Variants in DPY19L1 observed in about 807,000 individuals in gnomAD.
DPY19L1 encodes dpy-19 like C-mannosyltransferase 1.
In DPY19L1, 35 loss-of-function variants were observed where a neutral mutation model predicts 96.9. That is an observed-to-expected ratio of 0.36 (90% CI 0.28 to 0.48). DPY19L1 has a LOEUF of 0.48. DPY19L1 is among the 20% of genes least tolerant of loss of function. The pLI, the probability that DPY19L1 is intolerant of heterozygous loss-of-function variation, is 0.99. For missense variants in DPY19L1, 521 were observed against 777.9 expected (o/e 0.67, Z 3.93); for synonymous variants, 205 against 252.6 (o/e 0.81, Z 1.79).
At chr7:34,947,770 G>T in intron 14 of DPY19L1, 69 bp from the exon 15 acceptor site, 3 of 1,258,678 alleles carry the variant, frequency 2.4e-6, no homozygotes, top group Non-Finnish European at 3.4e-6. Flanking sequence ...TTCAAATAAT[G>T]AAATAGGTAA....
intron 7 of DPY19L1, among the ~76,000 whole-genome samples, chr7:34,977,854 T>C (rs377408756): frequency 2.0e-5 from 3 of 152,216 alleles, no homozygotes; most frequent in African/African-American, 7.2e-5. Context: ...TGTTTCTAAG[T>C]ATAAGAAATA....
intron 7 of DPY19L1, chr7:34,987,927 T>C (rs1172897280): frequency 6.6e-6 from 1 of 152,024 alleles, no homozygotes; most frequent in Non-Finnish European, 1.5e-5. Context: ...ACTTGACTAT[T>C]TCAGTAAAAC....
intron 1 of DPY19L1, among the ~76,000 whole-genome samples, chr7:35,029,421 G>A (rs960604860): frequency 6.6e-6 from 1 of 152,074 alleles, no homozygotes; most frequent in Admixed American, 6.6e-5. Context: ...AGTAAAAAGA[G>A]AACCACACAC....
At chr7:34,999,582 C>G (rs913362769) in intron 6 of DPY19L1, among the ~76,000 whole-genome samples, 1 of 152,118 alleles carries the variant, frequency 6.6e-6, no homozygotes. Context: ...CCAAGGGAAT[C>G]GCTAAACGGA....
rs184804833 is a variant in DPY19L1, at chr7:35,003,021, C to T, written c.764+7447G>A. Among the ~76,000 whole-genome samples, 143 of 152,272 alleles carry T rather than the reference C, an allele frequency of 9.4e-4. 1 individual carries two copies. Among genetic ancestry groups the T allele is most frequent in the Middle Eastern group, 6.8e-3 (2 of 294 alleles). ...TCCTGACCTTGTGATCCACCCACCT[C>T]GGCCTCCCAAAATGCTGGGATTACA... On this transcript the variant is annotated intron_variant, in intron 6 of 21. Coordinates refer to ENST00000638088, the MANE Select transcript of DPY19L1 (RefSeq NM_001366673.1).
At chr7:35,022,088 G>T (rs879475562) in intron 1 of DPY19L1, among the ~76,000 whole-genome samples, 1 of 140,222 alleles carries the variant, frequency 7.1e-6, no homozygotes, top group Non-Finnish European at 1.6e-5. Context: ...TAGCCTTCTT[G>T]CCTACAAAAA....
intron 6 of DPY19L1, among the ~76,000 whole-genome samples, chr7:34,991,501 TACC>T (rs1365534272): frequency 6.6e-6 from 1 of 152,166 alleles, no homozygotes; most frequent in Admixed American, 6.6e-5. Context: ...CTGAAAGGTG[TACC>T]ACATCTTCTT....
chr7:34,970,556 G>C (rs1367574916), intron 8 of DPY19L1, among the ~76,000 whole-genome samples: 1 of 152,138 alleles, frequency 6.6e-6, no homozygotes, highest in African/African-American at 2.4e-5. Context: ...CTAAGCCGCA[G>C]TGTAAAACTT....
At position 34,940,292 on chromosome 7, in the gene DPY19L1, AC is replaced by A. The variant is rs1415269042; in HGVS notation, c.1724del (p.Gly575ValfsTer8). 1 of 1,606,158 alleles carries A rather than the reference AC, an allele frequency of 6.2e-7. No individual in the cohort carries two copies. On this transcript the variant is annotated frameshift_variant, in exon 19 of 22. Transcript: ENST00000638088. LOFTEE classifies it high-confidence loss of function. The stretch of plus-strand genomic sequence containing the variant: ...CTGCTAATATAGCAAACACAATAGC[AC>A]CAGGATGTACTTTGCAAAAGAGCCA... ...FGWLFCKVHP[G>X]AIVFAILAAM... is the part of the protein sequence containing the mutation.
At chr7:35,023,817 C>CTT (rs1427172861) in intron 1 of DPY19L1, among the ~76,000 whole-genome samples, 1 of 117,056 alleles carries the variant, frequency 8.5e-6, no homozygotes, top group Non-Finnish European at 1.8e-5. Flanking sequence ...GAAATATATT[C>CTT]TTTTTCTTTT....
At chr7:35,026,622 A>G (rs1232403813) in intron 1 of DPY19L1, among the ~76,000 whole-genome samples, 1 of 152,184 alleles carries the variant, frequency 6.6e-6, no homozygotes, top group Admixed American at 6.5e-5. Context: ...AGAAGGTCCA[A>G]TGAGAAGAAT....
intron 18 of DPY19L1, 66 bp from the exon 19 acceptor site, chr7:34,940,393 CTTCTTCCCAGAGAAGAATAAG>C (rs1783979049): frequency 7.1e-7 from 1 of 1,406,510 alleles, no homozygotes; most frequent in Non-Finnish European, 9.5e-7. Context: ...TTATGCAAAA[CTTCTTCCCAGAGAAGAATAAG>C]GCCTCTGCTA....
At chr7:34,941,644 C>A (rs1784018141) in intron 18 of DPY19L1, 121 bp downstream of exon 18, 1 of 687,234 alleles carries the variant, frequency 1.5e-6, no homozygotes, top group East Asian at 2.7e-5. Flanking sequence ...AAGATAAGTA[C>A]AAAACCATGA....
chr7:35,016,238 G>A (rs748379796), intron 3 of DPY19L1, among the ~76,000 whole-genome samples: 2 of 152,144 alleles, frequency 1.3e-5, no homozygotes, highest in Non-Finnish European at 2.9e-5. Flanking sequence ...GGAAGCCATG[G>A]ATACTAGTGA....
intron 7 of DPY19L1, among the ~76,000 whole-genome samples, chr7:34,980,811 T>C (rs984117089): frequency 7.2e-5 from 11 of 152,156 alleles, no homozygotes; most frequent in African/African-American, 1.2e-4. Flanking sequence ...GATGTATTGA[T>C]AGAAGAAACT....
At chr7:35,037,755 C>G, upstream of DPY19L1, 8 of 1,078,606 alleles carry the variant, frequency 7.4e-6, no homozygotes, top group Non-Finnish European at 9.1e-6. Context: ...GGCCGGCCAG[C>G]GCGCACGCGC....
At chr7:34,963,711 CGT>C (rs370121293) in intron 10 of DPY19L1, among the ~76,000 whole-genome samples, 96 of 137,254 alleles carry the variant, frequency 7.0e-4, no homozygotes, top group African/African-American at 2.1e-3. Context: ...TGTGTGTGTG[CGT>C]GTGTGTGTGT....
chr7:34,980,399 C>G (rs1004388566), intron 7 of DPY19L1, among the ~76,000 whole-genome samples: 1 of 151,646 alleles, frequency 6.6e-6, no homozygotes, highest in Non-Finnish European at 1.5e-5. Context: ...AAAAAGGACT[C>G]AACATAAGAG....
chr7:34,996,481 T>A (rs1289545478), intron 6 of DPY19L1, among the ~76,000 whole-genome samples: 2 of 152,160 alleles, frequency 1.3e-5, no homozygotes, highest in Non-Finnish European at 2.9e-5. Context: ...CACTCTCCTC[T>A]GAACAAATGC....
Sources: gnomAD v4.1 joint callset for allele counts (sites outside exome capture counted in the v4.1 genomes callset) on GRCh38, gnomAD v4.1.1 for gene constraint, MANE v1.5 for transcripts, NCBI Gene and HGNC (gene_info 2026-07-23, HGNC 2026-07-21) for gene names.